The following PLD1 variants were observed in gnomAD, a reference collection of about 807,000 sequenced individuals.
PLD1 encodes choline phosphatase 1.
In PLD1, 112 loss-of-function variants were observed where a neutral mutation model predicts 137.1. That is an observed-to-expected ratio of 0.82 (90% CI 0.70 to 0.96). PLD1 has a LOEUF of 0.96. Among genes scored for constraint, PLD1 ranks in the 40% least tolerant of loss-of-function variants. The pLI is 0.00. For missense variants in PLD1, 1,321 were observed against 1,342.0 expected (o/e 0.98, Z 0.24); for synonymous variants, 431 against 454.7 (o/e 0.95, Z 0.66).
chr3:171,773,742 AGTTT>A (rs139067977), intron 1 of PLD1, among the ~76,000 whole-genome samples: 23 of 151,598 alleles, frequency 1.5e-4, no homozygotes, highest in East Asian at 5.8e-4. Flanking sequence ...TTATTATACC[AGTTT>A]GTTTGTTTGT....
intron 24 of PLD1, among the ~76,000 whole-genome samples, chr3:171,617,550 T>C (rs771780684): frequency 2.5e-4 from 38 of 152,268 alleles, no homozygotes; most frequent in South Asian, 8.3e-4. Flanking sequence ...AAACAACCGT[T>C]TCACTTAGTC....
At chr3:171,686,286 C>T (rs369336646) in intron 16 of PLD1, among the ~76,000 whole-genome samples, 16 of 152,258 alleles carry the variant, frequency 1.1e-4, no homozygotes, top group South Asian at 8.3e-4. Flanking sequence ...AGCACCTTTG[C>T]TCAACTCACC....
At chr3:171,807,368 T>G (rs997280135) in intron 1 of PLD1, among the ~76,000 whole-genome samples, 4 of 152,128 alleles carry the variant, frequency 2.6e-5, no homozygotes, top group African/African-American at 9.7e-5. Context: ...GTGATAAAAC[T>G]AAAGCCTGCA....
In PLD1 at chr3:171,755,696, T is replaced by C. The variant is rs1437747971; in HGVS notation, c.-31-17614A>G. 2.6e-5 allele frequency among the ~76,000 whole-genome samples: 4 copies of C among 152,214 alleles called. No homozygotes were observed. The East Asian group carries it at 7.7e-4, about 29-fold the overall frequency. Reference sequence around the variant, plus strand: ...AATACATTCCTTTCCTCTTGGCTTCTGTCTCCCCTAAAAGACTGGGAGCTC... The same window carrying C: ...AATACATTCCTTTCCTCTTGGCTTCCGTCTCCCCTAAAAGACTGGGAGCTC... On this transcript the variant is annotated intron_variant, in intron 1 of 26. Transcript: ENST00000351298.
At chr3:171,791,041 GACAGCC>G (rs988419934) in intron 1 of PLD1, among the ~76,000 whole-genome samples, 1 of 152,202 alleles carries the variant, frequency 6.6e-6, no homozygotes, top group African/African-American at 2.4e-5. Context: ...GATTAGAGGA[GACAGCC>G]ACAGTAAAAG....
rs562831229 is a variant in PLD1, at chr3:171,713,676, A to G, written c.911+217T>C. On this transcript the variant is annotated intron_variant, in intron 9 of 26. Transcript: ENST00000351298. ...TAGTAATTTCTGTTAACATAGGCAAACATCTACATATGGGATTGTTTATTC... is the reference window on the plus strand; with the variant it reads ...TAGTAATTTCTGTTAACATAGGCAAGCATCTACATATGGGATTGTTTATTC... 2.6e-4 allele frequency among the ~76,000 whole-genome samples: 40 copies of G among 152,326 alleles called. No individual in the cohort carries two copies. In the South Asian group the frequency reaches 7.5e-3, roughly 28 times the overall value.
chr3:171,751,983 A>C (rs1296611703), intron 1 of PLD1, among the ~76,000 whole-genome samples: 2 of 151,716 alleles, frequency 1.3e-5, no homozygotes, highest in Non-Finnish European at 2.9e-5. Context: ...AGCCTGGGCG[A>C]CAGAGCGAGA....
chr3:171,697,247 T>TTG (rs1715809160), intron 12 of PLD1, among the ~76,000 whole-genome samples: 2 of 135,388 alleles, frequency 1.5e-5, no homozygotes, highest in East Asian at 2.0e-4. Flanking sequence ...CTTTTTTTTT[T>TTG]TTTTTTTTTT....
chr3:171,645,772 T>TA (rs1484009098), intron 21 of PLD1, among the ~76,000 whole-genome samples: 1 of 150,874 alleles, frequency 6.6e-6, no homozygotes, highest in African/African-American at 2.4e-5. Context: ...TAGTCCCAGC[T>TA]ACTCGGGAGG....
intron 13 of PLD1, among the ~76,000 whole-genome samples, chr3:171,691,984 G>C (rs1251027016): frequency 6.6e-6 from 1 of 152,136 alleles, no homozygotes; most frequent in Non-Finnish European, 1.5e-5. Context: ...TCAGTGATCA[G>C]GGGATGTCAC....
chr3:171,757,243 C>G (rs920069277), intron 1 of PLD1, among the ~76,000 whole-genome samples: 2 of 152,146 alleles, frequency 1.3e-5, no homozygotes, highest in African/African-American at 4.8e-5. Context: ...ACACAGAAAT[C>G]ATACTGGGAA....
intron 1 of PLD1, among the ~76,000 whole-genome samples, chr3:171,766,984 T>A (rs1722019249): frequency 6.6e-6 from 1 of 152,224 alleles, no homozygotes; most frequent in African/African-American, 2.4e-5. Context: ...AAAATATATG[T>A]CTCATAATCT....
chr3:171,709,147 A>G (rs1350148673), intron 10 of PLD1, among the ~76,000 whole-genome samples: 1 of 152,270 alleles, frequency 6.6e-6, no homozygotes. Flanking sequence ...TTTTTCTTAC[A>G]TACAGTTCTG....
rs60146546 is a variant in PLD1 at position 171,808,815 on chromosome 3, A to ATTTTTTTTTT, written c.-32+1574_-32+1583dup. ...TTTTTCCTCAAAGCCTTAGCATTCA[A>ATTTTTTTTTT]TTTTTTTTTTTTTTTTTTTTTTTTT... On this transcript the variant is annotated intron_variant, in intron 1 of 26. Coordinates refer to ENST00000351298, the MANE Select transcript of PLD1 (RefSeq NM_002662.5). 3.9e-4 allele frequency among the ~76,000 whole-genome samples: 34 copies of ATTTTTTTTTT among 86,232 alleles called. 1 individual carries two copies. Among genetic ancestry groups the ATTTTTTTTTT allele is most frequent in the African/African-American group, 1.3e-3 (26 of 20,670 alleles). The allele number at this position is 86,232 out of a possible 152,430, so 56.6% of individuals were successfully genotyped here.
At chr3:171,786,700 G>A (rs1011284247) in intron 1 of PLD1, among the ~76,000 whole-genome samples, 2 of 152,040 alleles carry the variant, frequency 1.3e-5, no homozygotes, top group Non-Finnish European at 1.5e-5. Context: ...CATGTCAGTT[G>A]AGCTTCTGTG....
chr3:171,790,644 G>T (rs1398859660), intron 1 of PLD1, among the ~76,000 whole-genome samples: 1 of 152,202 alleles, frequency 6.6e-6, no homozygotes, highest in Admixed American at 6.5e-5. Flanking sequence ...ATGAGACAGG[G>T]CCTGCAAAGG....
Position 171,725,154 on chromosome 3 carries a change from G to A in PLD1, c.666-366C>T, listed in dbSNP as rs535292585. On this transcript the variant is annotated intron_variant, in intron 7 of 26. Coordinates refer to ENST00000351298, the MANE Select transcript of PLD1 (RefSeq NM_002662.5). ...GTATACATATGTAACAAACCCGCAC[G>A]TTGTGCACATGTACCCTAGAACTTA... is the stretch of plus-strand genomic sequence containing the variant. Among the ~76,000 whole-genome samples the A allele has an allele frequency of 2.6e-5, 4 of 152,194 alleles. No homozygotes were observed. The East Asian group carries it at 5.8e-4, about 22-fold the overall frequency.
At chr3:171,675,421 A>C (rs756779535) in intron 18 of PLD1, among the ~76,000 whole-genome samples, 7 of 152,292 alleles carry the variant, frequency 4.6e-5, no homozygotes, top group Admixed American at 1.3e-4. Flanking sequence ...AAATTACCTT[A>C]TTGGATTATG....
chr3:171,670,516 C>G (rs559638828), intron 19 of PLD1, among the ~76,000 whole-genome samples: 3 of 152,118 alleles, frequency 2.0e-5, no homozygotes, highest in Non-Finnish European at 4.4e-5. Context: ...TCCAGCCAGT[C>G]TGTAGGAGAT....
Sources: gnomAD v4.1 joint callset for allele counts (sites outside exome capture counted in the v4.1 genomes callset) on GRCh38, gnomAD v4.1.1 for gene constraint, MANE v1.5 for transcripts, NCBI Gene and HGNC (gene_info 2026-07-23, HGNC 2026-07-21) for gene names.